The following CELF4 variants were observed in gnomAD, a reference collection of about 807,000 sequenced individuals.
CELF4 encodes CUGBP Elav-like family member 4, also known as CUG-BP- and ETR-3-like factor 4.
Under a neutral mutation model 59.9 loss-of-function variants are expected in CELF4, and 18 were observed. That is an observed-to-expected ratio of 0.30 (90% CI 0.21 to 0.45). The LOEUF (loss-of-function observed/expected upper bound fraction) is 0.45. Among genes scored for constraint, CELF4 ranks in the 20% least tolerant of loss-of-function variants. CELF4 has a pLI of 1.00. For synonymous variants in CELF4, 261 were observed against 267.1 expected, an observed-to-expected ratio of 0.98 and a Z score of 0.22; for missense variants, 456 against 689.0, an observed-to-expected ratio of 0.66 and a Z score of 3.79.
chr18:37,384,852 T>C (rs1389380129), intron 2 of CELF4, among the ~76,000 whole-genome samples: 1 of 152,186 alleles, frequency 6.6e-6, no homozygotes, highest in African/African-American at 2.4e-5. Context: ...GGTCACCCAG[T>C]GAGGTGGCCA....
chr18:37,465,468 A>C (rs1026549452), intron 2 of CELF4, among the ~76,000 whole-genome samples: 3 of 152,078 alleles, frequency 2.0e-5, no homozygotes, highest in African/African-American at 7.2e-5. Context: ...CCATGTGGAC[A>C]CTGGGGGAGG....
chr18:37,255,044 C>G (rs2068346464), intron 11 of CELF4, among the ~76,000 whole-genome samples: 1 of 152,144 alleles, frequency 6.6e-6, no homozygotes, highest in Non-Finnish European at 1.5e-5. Context: ...TTTGTTTAAT[C>G]TAGTATTTCC....
At chr18:37,266,623 G>T (rs2077706635) in intron 8 of CELF4, 25 bp from the exon 9 acceptor site, 2 of 1,561,102 alleles carry the variant, frequency 1.3e-6, no homozygotes, top group Non-Finnish European at 8.7e-7. Flanking sequence ...GGGGACAGAG[G>T]TCAGCAGTGC....
At chr18:37,343,681 A>T (rs1397123724) in intron 2 of CELF4, among the ~76,000 whole-genome samples, 1 of 152,068 alleles carries the variant, frequency 6.6e-6, no homozygotes, top group African/African-American at 2.4e-5. Context: ...GCGTGTATTC[A>T]GAGTGGCCAG....
intron 2 of CELF4, among the ~76,000 whole-genome samples, chr18:37,442,949 T>G (rs1374335962): frequency 6.6e-6 from 1 of 152,176 alleles, no homozygotes; most frequent in African/African-American, 2.4e-5. Context: ...ATCTTCCTAG[T>G]CTTGTCTGCA....
At chr18:37,499,588 A>G (rs1466768991) in intron 1 of CELF4, among the ~76,000 whole-genome samples, 5 of 152,220 alleles carry the variant, frequency 3.3e-5, no homozygotes, top group African/African-American at 1.2e-4. Context: ...TGACTTCTCA[A>G]GCGGACCCTG....
chr18:37,301,904 A>G (rs1377598506), intron 3 of CELF4, among the ~76,000 whole-genome samples: 1 of 152,120 alleles, frequency 6.6e-6, no homozygotes, highest in African/African-American at 2.4e-5. Flanking sequence ...ATGGCATGCC[A>G]TGCCACCCAC....
At chr18:37,533,977 G>A (rs555785989) in intron 1 of CELF4, among the ~76,000 whole-genome samples, 1 of 152,296 alleles carries the variant, frequency 6.6e-6, no homozygotes, top group East Asian at 1.9e-4. Flanking sequence ...TTATTCCAGA[G>A]CCTTGAAGCG....
chr18:37,324,781 C>T (rs1444407186), intron 2 of CELF4, among the ~76,000 whole-genome samples: 2 of 152,152 alleles, frequency 1.3e-5, no homozygotes, highest in African/African-American at 2.4e-5. Context: ...CTATACTGAT[C>T]GCATTGCTAG....
intron 3 of CELF4, among the ~76,000 whole-genome samples, chr18:37,296,901 AC>A (rs1246384713): frequency 6.6e-6 from 1 of 152,200 alleles, no homozygotes; most frequent in Non-Finnish European, 1.5e-5. Flanking sequence ...CAAGGGCCAA[AC>A]CAGGGAGCAG....
At chr18:37,554,480 T>C (rs1188211129) in intron 1 of CELF4, among the ~76,000 whole-genome samples, 1 of 152,162 alleles carries the variant, frequency 6.6e-6, no homozygotes. Flanking sequence ...CATCTCCCAT[T>C]CCAGCGACAG....
In CELF4 at chr18:37,321,788, C is replaced by A. The variant is rs2097131477; in HGVS notation, c.448+15G>T. On this transcript the variant is annotated intron_variant, in intron 3 of 12. Coordinates refer to ENST00000420428, the MANE Select transcript of CELF4 (RefSeq NM_020180.4). Reference sequence around the variant, plus strand: ...AGAGGGGGAGGGGGAGGGGCAGAGACAAGTGGGCCCTCACGTGAAGGGGGC... The same window carrying A: ...AGAGGGGGAGGGGGAGGGGCAGAGAAAAGTGGGCCCTCACGTGAAGGGGGC... 3.1e-6 allele frequency: 5 copies of A among 1,593,856 alleles called. No individual in the cohort carries two copies. The highest frequency in any genetic ancestry group is 4.5e-5 in the East Asian group (2 of 44,414).
intron 2 of CELF4, among the ~76,000 whole-genome samples, chr18:37,339,343 C>T (rs914686517): frequency 2.6e-5 from 4 of 152,196 alleles, no homozygotes; most frequent in African/African-American, 9.7e-5. Flanking sequence ...GCTTGGCTTG[C>T]GCCTGGAGGA....
intron 2 of CELF4, among the ~76,000 whole-genome samples, chr18:37,464,445 C>T (rs1171650788): frequency 6.6e-6 from 1 of 152,232 alleles, no homozygotes; most frequent in Non-Finnish European, 1.5e-5. Flanking sequence ...ATGACTCAGG[C>T]AGCCCTTTCT....
At chr18:37,537,196 T>C (rs757755148) in intron 1 of CELF4, among the ~76,000 whole-genome samples, 1 of 152,120 alleles carries the variant, frequency 6.6e-6, no homozygotes, top group Non-Finnish European at 1.5e-5. Context: ...ACCTTGATCA[T>C]GACTTTCATT....
At chr18:37,478,872 G>A (rs1028996079) in intron 2 of CELF4, among the ~76,000 whole-genome samples, 1 of 152,204 alleles carries the variant, frequency 6.6e-6, no homozygotes, top group Admixed American at 6.5e-5. Context: ...GTCCTGTTTG[G>A]CTGGAAAGCC....
chr18:37,410,266 C>T (rs4799447), intron 2 of CELF4, among the ~76,000 whole-genome samples: 51,540 of 152,180 alleles, frequency 0.34, 10,167 homozygotes, highest in South Asian at 0.61. Context: ...TGTCTCCTTC[C>T]TTCTCTGCTC....
intron 10 of CELF4, among the ~76,000 whole-genome samples, chr18:37,259,666 G>T (rs540966856): frequency 2.6e-5 from 4 of 152,098 alleles, no homozygotes; most frequent in Non-Finnish European, 4.4e-5. Context: ...TGCTCTGGGG[G>T]GACCAGGGCA....
chr18:37,265,016 TG>T (rs887096231), intron 9 of CELF4, among the ~76,000 whole-genome samples: 2 of 148,432 alleles, frequency 1.3e-5, no homozygotes, highest in African/African-American at 5.0e-5. Context: ...CATGTACGTG[TG>T]GGGATGTGTG....
Sources: gnomAD v4.1 joint callset for allele counts (sites outside exome capture counted in the v4.1 genomes callset) on GRCh38, gnomAD v4.1.1 for gene constraint, MANE v1.5 for transcripts, NCBI Gene and HGNC (gene_info 2026-07-23, HGNC 2026-07-21) for gene names.